Variants in SEMA6D observed in about 807,000 individuals in gnomAD.
SEMA6D encodes the protein semaphorin 6D, also known as semaphorin-6D.
Under a neutral mutation model 106.6 loss-of-function variants are expected in SEMA6D, and 35 were observed. That is an observed-to-expected ratio of 0.33 (90% confidence interval 0.25 to 0.44). SEMA6D has a LOEUF of 0.44. SEMA6D is among the 20% of genes least tolerant of loss of function. The probability of loss-of-function intolerance (pLI) is 1.00; values close to 1 mark genes in which losing one functional copy is unlikely to be tolerated. For missense variants in SEMA6D, 1,185 were observed against 1,345.9 expected, an observed-to-expected ratio of 0.88 and a Z score of 1.87; for synonymous variants, 499 against 487.7, an observed-to-expected ratio of 1.02 and a Z score of -0.31.
At chr15:47,206,050 A>C (rs981837805) in intron 1 of SEMA6D, among the ~76,000 whole-genome samples, 9 of 152,302 alleles carry the variant, frequency 5.9e-5, no homozygotes, top group African/African-American at 2.2e-4. Flanking sequence ...GCTCTTCATT[A>C]GTTTCCTTCA....
In SEMA6D at chr15:47,454,949, T is replaced by C. The variant is rs147835882; in HGVS notation, c.-158-15525T>C. ...GCATGCTAACTGGATCCTGTAGGCG[T>C]TGATTTTCCACTCTATGATAGAAGG... On this transcript the variant is annotated intron_variant, in intron 2 of 19. Coordinates refer to the SEMA6D transcript ENST00000558014. Among the ~76,000 whole-genome samples, 225 of 151,960 alleles carry C rather than the reference T, an allele frequency of 1.5e-3. 1 individual carries two copies. Among genetic ancestry groups the C allele is most frequent in the African/African-American group, 5.3e-3 (221 of 41,494 alleles).
rs1212349374 is a variant in SEMA6D at position 47,601,481 on chromosome 15, GA to G, written c.-55+586del. ...TTCATTAGAAAATCAGAATGCATTT[GA>G]TGTGCACCATCTGGTTTGTGAATAC... On this transcript the variant is annotated intron_variant, in intron 4 of 19. Coordinates refer to the SEMA6D transcript ENST00000558014. Among the ~76,000 whole-genome samples the G allele has an allele frequency of 2.6e-5, 4 of 152,162 alleles. No homozygotes were observed. The East Asian group carries it at 7.7e-4, about 29-fold the overall frequency.
chr15:47,280,288 C>T (rs1230259843), intron 1 of SEMA6D, among the ~76,000 whole-genome samples: 2 of 151,918 alleles, frequency 1.3e-5, no homozygotes, highest in Non-Finnish European at 2.9e-5. Context: ...TTATCCATTT[C>T]TTCTAGATTT....
chr15:47,613,764 C>T (rs1459184043), intron 4 of SEMA6D, among the ~76,000 whole-genome samples: 1 of 152,114 alleles, frequency 6.6e-6, no homozygotes, highest in African/African-American at 2.4e-5. Context: ...CGCCATTCTC[C>T]TGCCTCAGCC....
At chr15:47,384,825 T>G (rs1280566984) in intron 1 of SEMA6D, among the ~76,000 whole-genome samples, 3 of 113,872 alleles carry the variant, frequency 2.6e-5, no homozygotes, top group Non-Finnish European at 5.6e-5. Flanking sequence ...TTTTTTTTTT[T>G]TTTTTTTTTT....
chr15:47,423,334 T>G (rs1463689867), intron 2 of SEMA6D, among the ~76,000 whole-genome samples: 4 of 151,938 alleles, frequency 2.6e-5, no homozygotes, highest in Non-Finnish European at 5.9e-5. Context: ...ATAAATGATC[T>G]TCACCATCAG....
intron 4 of SEMA6D, among the ~76,000 whole-genome samples, chr15:47,706,539 C>T (rs1233861832): frequency 2.0e-5 from 3 of 152,008 alleles, no homozygotes; most frequent in Non-Finnish European, 4.4e-5. Flanking sequence ...AATCATAAAA[C>T]AAAAAGAAAA....
At chr15:47,186,861 G>A (rs1893610184) in intron 1 of SEMA6D, among the ~76,000 whole-genome samples, 1 of 152,182 alleles carries the variant, frequency 6.6e-6, no homozygotes, top group Non-Finnish European at 1.5e-5. Flanking sequence ...ACTAAATCTT[G>A]ATTGTGCAAA....
At chr15:47,675,298 G>C (rs1460322662) in intron 4 of SEMA6D, among the ~76,000 whole-genome samples, 1 of 152,204 alleles carries the variant, frequency 6.6e-6, no homozygotes, top group Admixed American at 6.5e-5. Flanking sequence ...TATTTGGAGA[G>C]AGAGCCTTTA....
intron 1 of SEMA6D, among the ~76,000 whole-genome samples, chr15:47,349,290 A>G (rs1171864104): frequency 6.6e-6 from 1 of 152,144 alleles, no homozygotes; most frequent in Non-Finnish European, 1.5e-5. Context: ...ATTTTATTTC[A>G]TCATCAGAGA....
At chr15:47,299,498 C>T (rs909343193) in intron 1 of SEMA6D, among the ~76,000 whole-genome samples, 8 of 152,140 alleles carry the variant, frequency 5.3e-5, no homozygotes, top group African/African-American at 7.2e-5. Context: ...CTGATCTGCT[C>T]GGCCAATAAA....
chr15:47,358,675 T>A (rs2038685788), intron 1 of SEMA6D, among the ~76,000 whole-genome samples: 1 of 152,126 alleles, frequency 6.6e-6, no homozygotes, highest in Non-Finnish European at 1.5e-5. Context: ...GGGACAGAAG[T>A]AGTAATGTGC....
intron 3 of SEMA6D, among the ~76,000 whole-genome samples, chr15:47,491,315 T>C (rs956432406): frequency 6.6e-6 from 1 of 152,160 alleles, no homozygotes; most frequent in African/African-American, 2.4e-5. Context: ...TGGAATATTA[T>C]ACAGCAATGA....
chr15:47,766,574 A>C, intron 15 of SEMA6D, 42 bp from the exon 16 acceptor site: 1 of 1,604,660 alleles, frequency 6.2e-7, no homozygotes, highest in East Asian at 2.2e-5. Flanking sequence ...TGTTCCTATG[A>C]AGGCTGTTAA....
intron 18 of SEMA6D, 136 bp from the exon 19 acceptor site, chr15:47,770,361 T>G (rs992347656): frequency 1.6e-6 from 1 of 621,276 alleles, no homozygotes; most frequent in Non-Finnish European, 2.7e-6. Flanking sequence ...ATACAAGGAA[T>G]TTTGGAGTCT....
intron 2 of SEMA6D, among the ~76,000 whole-genome samples, chr15:47,442,329 GATACCTTCC>G (rs1442723681): frequency 1.3e-5 from 2 of 152,068 alleles, no homozygotes; most frequent in African/African-American, 4.8e-5. Flanking sequence ...CCTTGAGAAA[GATACCTTCC>G]ATGATGTACA....
intron 4 of SEMA6D, among the ~76,000 whole-genome samples, chr15:47,692,649 T>A (rs546923846): frequency 1.3e-5 from 2 of 152,226 alleles, no homozygotes; most frequent in Non-Finnish European, 2.9e-5. Context: ...GGAGAATTCT[T>A]GGCTGGCTAA....
At chr15:47,296,884 A>G (rs2035822739) in intron 1 of SEMA6D, among the ~76,000 whole-genome samples, 1 of 152,158 alleles carries the variant, frequency 6.6e-6, no homozygotes, top group African/African-American at 2.4e-5. Context: ...GGCTGGGTGG[A>G]AAAGGAGAGA....
At chr15:47,260,101 T>C (rs749791978) in intron 1 of SEMA6D, among the ~76,000 whole-genome samples, 1 of 152,090 alleles carries the variant, frequency 6.6e-6, no homozygotes, top group Non-Finnish European at 1.5e-5. Flanking sequence ...TACTTTATAT[T>C]TGTTTCAAGA....
Sources: allele counts gnomAD v4.1 joint callset (sites outside exome capture counted in the v4.1 genomes callset), GRCh38; gene constraint gnomAD v4.1.1; transcripts MANE v1.5; gene names NCBI Gene and HGNC (gene_info 2026-07-23, HGNC 2026-07-21).